RSU1: variants seen among roughly 807,000 people sequenced by gnomAD.
RSU1 encodes rsu-1.
Under a neutral mutation model 31.1 loss-of-function variants are expected in RSU1, and 26 were observed. The observed-to-expected ratio is 0.84, with a 90% CI of 0.61 to 1.16. RSU1 has a LOEUF of 1.16. Among genes scored for constraint, RSU1 ranks in the 50% most tolerant of loss-of-function variants. RSU1 has a pLI of 0.00. For missense variants in RSU1, 320 were observed against 339.1 expected, an observed-to-expected ratio of 0.94 and a Z score of 0.44; for synonymous variants, 164 against 136.3, an observed-to-expected ratio of 1.20 and a Z score of -1.41.
intron 7 of RSU1, among the ~76,000 whole-genome samples, chr10:16,698,776 G>A (rs1276091643): frequency 1.3e-5 from 2 of 152,192 alleles, no homozygotes; most frequent in East Asian, 3.9e-4. Flanking sequence ...ATGTCTACAA[G>A]TCAGAGTTAA....
At position 16,673,578 on chromosome 10, in the gene RSU1, A is replaced by G. The variant is rs570388996; in HGVS notation, c.731+21445T>C. Among the ~76,000 whole-genome samples the G allele has an allele frequency of 5.9e-5, 9 of 152,200 alleles. No individual in the cohort carries two copies. The South Asian group carries it at 1.9e-3, about 32-fold the overall frequency. ...TGACAGGATTCTTCTGTGTGGAGAA[A>G]AGCCAAATGTTTCTTGAAGCACGTG... is the stretch of plus-strand genomic sequence containing the variant. On this transcript the variant is annotated intron_variant, in intron 8 of 8. Transcript: ENST00000345264.
At chr10:16,676,688 G>A (rs1359849200) in intron 8 of RSU1, among the ~76,000 whole-genome samples, 1 of 152,152 alleles carries the variant, frequency 6.6e-6, no homozygotes, top group Non-Finnish European at 1.5e-5. Flanking sequence ...TTTCCTTTGA[G>A]TGTCACGTCA....
chr10:16,684,518 G>A (rs1446858685), intron 8 of RSU1, among the ~76,000 whole-genome samples: 1 of 152,142 alleles, frequency 6.6e-6, no homozygotes, highest in Non-Finnish European at 1.5e-5. Flanking sequence ...TTGTGAAATG[G>A]GGAGCTTTGG....
At chr10:16,698,637 A>G (rs1272535972) in intron 7 of RSU1, among the ~76,000 whole-genome samples, 1 of 152,082 alleles carries the variant, frequency 6.6e-6, no homozygotes, top group Non-Finnish European at 1.5e-5. Flanking sequence ...TGATGTCTCT[A>G]TTTAGGTGCT....
chr10:16,598,104 T>A (rs1394955465), intron 8 of RSU1, among the ~76,000 whole-genome samples: 1 of 152,210 alleles, frequency 6.6e-6, no homozygotes, highest in Admixed American at 6.5e-5. Context: ...GATGGCCACA[T>A]CTGATCCCTG....
At chr10:16,783,635 T>C (rs1458897937) in intron 2 of RSU1, among the ~76,000 whole-genome samples, 3 of 151,674 alleles carry the variant, frequency 2.0e-5, no homozygotes, top group African/African-American at 7.3e-5. Flanking sequence ...ATTACAGGCG[T>C]GGGCCACCGA....
intron 8 of RSU1, among the ~76,000 whole-genome samples, chr10:16,594,083 G>T (rs1265250644): frequency 1.3e-5 from 2 of 151,720 alleles, no homozygotes; most frequent in East Asian, 3.8e-4. Flanking sequence ...TGGCTGAGAG[G>T]ATTTAACTGA....
chr10:16,769,796 T>G (rs74125872), intron 3 of RSU1, among the ~76,000 whole-genome samples: 7,503 of 152,294 alleles, frequency 0.049, 613 homozygotes, highest in African/African-American at 0.17. Flanking sequence ...CAAATAAAGA[T>G]GCCTCTTGAG....
intron 8 of RSU1, among the ~76,000 whole-genome samples, chr10:16,665,929 T>A (rs184776021): frequency 6.6e-6 from 1 of 152,354 alleles, no homozygotes; most frequent in Admixed American, 6.5e-5. Context: ...TATGCAAAGC[T>A]GGTATTCTGC....
intron 8 of RSU1, among the ~76,000 whole-genome samples, chr10:16,645,173 T>C (rs11254124): frequency 0.061 from 9,327 of 152,274 alleles, 976 homozygotes; most frequent in African/African-American, 0.21. Context: ...GTTGCAAATT[T>C]CGTAAACATA....
At position 16,592,009 on chromosome 10, in the gene RSU1, C is replaced by A. The variant is rs1833513999; in HGVS notation, c.*1385G>T. ...GTTTAGACCTTGCTCTGTGGCCTCT[C>A]TGATTGAAATGCGAAGTCTGTTTCC... On this transcript the variant is annotated 3_prime_UTR_variant, in exon 9 of 9. Transcript: ENST00000345264. 1 of 152,224 alleles carries A rather than the reference C, an allele frequency of 6.6e-6. No homozygotes were observed. Among genetic ancestry groups the A allele is most frequent in the Non-Finnish European group, 1.5e-5 (1 of 68,048 alleles). The allele number at this position is 152,224 out of a possible 1,614,324, so 9.4% of individuals were successfully genotyped here.
intron 2 of RSU1, among the ~76,000 whole-genome samples, chr10:16,800,039 G>C (rs1312594479): frequency 2.0e-5 from 3 of 152,062 alleles, no homozygotes; most frequent in African/African-American, 7.2e-5. Context: ...ATTCAACAGG[G>C]AAAATCTAAG....
At chr10:16,641,551 G>C (rs920950678) in intron 8 of RSU1, among the ~76,000 whole-genome samples, 3 of 152,022 alleles carry the variant, frequency 2.0e-5, no homozygotes, top group East Asian at 1.9e-4. Context: ...TCTGCATATG[G>C]AATTGGTTGT....
rs745911440 is a variant in RSU1, at chr10:16,703,303, G to A, written c.599-8148C>T. On this transcript the variant is annotated intron_variant, in intron 7 of 8. Transcript: ENST00000345264. ...TAATACAGCAGCGTTGGTTGTGTTA[G>A]AGGAATGGACAAACATTTTCCCTAC... 4.6e-5 allele frequency among the ~76,000 whole-genome samples: 7 copies of A among 152,202 alleles called. No homozygotes were observed. In the South Asian group the frequency reaches 6.2e-4, roughly 14 times the overall value.
At chr10:16,646,050 GTATA>G (rs1180422747) in intron 8 of RSU1, among the ~76,000 whole-genome samples, 1 of 32,948 alleles carries the variant, frequency 3.0e-5, no homozygotes, top group Non-Finnish European at 5.9e-5. Flanking sequence ...ACATATATGT[GTATA>G]TATATATACA....
intron 8 of RSU1, among the ~76,000 whole-genome samples, chr10:16,668,416 C>T (rs1010936864): frequency 2.6e-5 from 4 of 152,108 alleles, no homozygotes; most frequent in Admixed American, 2.6e-4. Flanking sequence ...TTGAGAAGAT[C>T]CTGTGAGCAA....
chr10:16,789,988 G>A (rs946644411), intron 2 of RSU1, among the ~76,000 whole-genome samples: 6 of 152,154 alleles, frequency 3.9e-5, no homozygotes, highest in Admixed American at 1.3e-4. Flanking sequence ...TTAGGTGAAC[G>A]TTGGATCTGG....
At chr10:16,718,943 T>C (rs1836198976) in intron 7 of RSU1, among the ~76,000 whole-genome samples, 1 of 146,648 alleles carries the variant, frequency 6.8e-6, no homozygotes, top group Admixed American at 7.0e-5. Context: ...ATCATGCCAG[T>C]GCACTCCAGC....
chr10:16,718,296 A>T lies in RSU1; in HGVS notation c.599-23141T>A, dbSNP rs529211694. 2.6e-5 allele frequency among the ~76,000 whole-genome samples: 4 copies of T among 152,280 alleles called. No individual in the cohort carries two copies. In the South Asian group the frequency reaches 8.3e-4, roughly 32 times the overall value. Reference sequence around the variant, plus strand: ...ATTCCTTAGCATTAATATAATAAAAATTGACATCAAAAAAGGGTACACAGA... The same window carrying T: ...ATTCCTTAGCATTAATATAATAAAATTTGACATCAAAAAAGGGTACACAGA... On this transcript the variant is annotated intron_variant, in intron 7 of 8. Transcript: ENST00000345264.
Sources: gnomAD v4.1 joint callset for allele counts (sites outside exome capture counted in the v4.1 genomes callset) on GRCh38, gnomAD v4.1.1 for gene constraint, MANE v1.5 for transcripts, NCBI Gene and HGNC (gene_info 2026-07-23, HGNC 2026-07-21) for gene names.